Variants in PABPC4L observed in about 807,000 individuals in gnomAD.
The protein encoded by PABPC4L is polyadenylate-binding protein 4-like.
For missense variants in PABPC4L, 452 were observed against 451.4 expected, an observed-to-expected ratio of 1.00 and a Z score of -0.01; for synonymous variants, 169 against 164.1, an observed-to-expected ratio of 1.03 and a Z score of -0.23.
chr4:133,963,016 G>A, the PABPC4L span, among the ~76,000 whole-genome samples: 2 of 152,100 alleles, frequency 1.3e-5, no homozygotes, highest in Admixed American at 1.3e-4. Flanking sequence ...AATGTAAATG[G>A]CCTAAATGCT....
the PABPC4L span, among the ~76,000 whole-genome samples, chr4:134,148,846 A>G: frequency 9.9e-6 from 1 of 100,508 alleles, no homozygotes; most frequent in Non-Finnish European, 1.9e-5. Flanking sequence ...GCTCAAAATT[A>G]GTTGAATGAA....
the PABPC4L span, among the ~76,000 whole-genome samples, chr4:134,002,879 T>C: frequency 0.18 from 27,468 of 151,882 alleles, 3,144 homozygotes; most frequent in Middle Eastern, 0.26. Flanking sequence ...TTGTATCTTC[T>C]TCTGGGTATA....
At chr4:133,993,946 T>C in the PABPC4L span, among the ~76,000 whole-genome samples, 1 of 151,996 alleles carries the variant, frequency 6.6e-6, no homozygotes, top group Non-Finnish European at 1.5e-5. Flanking sequence ...CTGTAATAAA[T>C]AAACAGAGTA....
At chr4:134,072,506 C>G in the PABPC4L span, among the ~76,000 whole-genome samples, 1 of 152,116 alleles carries the variant, frequency 6.6e-6, no homozygotes, top group East Asian at 1.9e-4. Context: ...GGTGTGTTTT[C>G]TCTACATTTT....
At chr4:134,018,685 A>G in the PABPC4L span, among the ~76,000 whole-genome samples, 1 of 152,138 alleles carries the variant, frequency 6.6e-6, no homozygotes, top group East Asian at 1.9e-4. Flanking sequence ...CACATTGTTT[A>G]CGTTCATTGA....
the PABPC4L span, among the ~76,000 whole-genome samples, chr4:134,115,222 C>T: frequency 6.6e-6 from 1 of 151,870 alleles, no homozygotes; most frequent in Admixed American, 6.6e-5. Context: ...GTTTACTTCA[C>T]ACTTAGACAA....
the PABPC4L span, among the ~76,000 whole-genome samples, chr4:134,118,249 T>A: frequency 6.6e-6 from 1 of 151,944 alleles, no homozygotes; most frequent in Non-Finnish European, 1.5e-5. Context: ...CTGTAAAGGA[T>A]GTCTCAACTT....
At chr4:134,115,310 A>T in the PABPC4L span, among the ~76,000 whole-genome samples, 3 of 151,842 alleles carry the variant, frequency 2.0e-5, no homozygotes, top group African/African-American at 7.2e-5. Context: ...TTAAGCTTAT[A>T]GTCTACTATG....
chr4:134,189,000 T>G, the PABPC4L span, among the ~76,000 whole-genome samples: 1 of 152,030 alleles, frequency 6.6e-6, no homozygotes, highest in African/African-American at 2.4e-5. Flanking sequence ...CTTCACCGTG[T>G]TTTTCATTTT....
the PABPC4L span, among the ~76,000 whole-genome samples, chr4:134,003,260 T>G: frequency 6.6e-6 from 1 of 152,000 alleles, no homozygotes; most frequent in Admixed American, 6.6e-5. Context: ...GTTATGTATA[T>G]TCACATGTCC....
At chr4:134,062,131 C>A in the PABPC4L span, among the ~76,000 whole-genome samples, 1,928 of 151,738 alleles carry the variant, frequency 0.013, 42 homozygotes, top group African/African-American at 0.041. Context: ...GGAACTCTGC[C>A]TGTGTCAAAG....
chr4:134,119,349 A>T, the PABPC4L span, among the ~76,000 whole-genome samples: 1 of 151,726 alleles, frequency 6.6e-6, no homozygotes, highest in South Asian at 2.1e-4. Flanking sequence ...TTTTAAAGAG[A>T]AGTAGATATG....
chr4:134,030,951 T>C, the PABPC4L span, among the ~76,000 whole-genome samples: 1 of 152,102 alleles, frequency 6.6e-6, no homozygotes, highest in Admixed American at 6.6e-5. Context: ...TACCCATTTA[T>C]GATAATAGCT....
At chr4:134,126,977 A>G in the PABPC4L span, among the ~76,000 whole-genome samples, 1 of 152,052 alleles carries the variant, frequency 6.6e-6, no homozygotes, top group Non-Finnish European at 1.5e-5. Context: ...TGAGAGCCGT[A>G]TGGGCGCAGG....
At chr4:134,155,412 T>TCACACACACACACACA in the PABPC4L span, among the ~76,000 whole-genome samples, 149 of 147,094 alleles carry the variant, frequency 1.0e-3, 1 homozygote, top group African/African-American at 3.0e-3. Flanking sequence ...CTCTCCCAGT[T>TCACACACACACACACA]CACACACACA....
chr4:134,029,984 C>G, the PABPC4L span, among the ~76,000 whole-genome samples: 3 of 151,958 alleles, frequency 2.0e-5, no homozygotes, highest in African/African-American at 7.2e-5. Flanking sequence ...TCCCCTTTGG[C>G]TCAACTCTTT....
chr4:134,042,664 C>T, the PABPC4L span, among the ~76,000 whole-genome samples: 3 of 152,218 alleles, frequency 2.0e-5, no homozygotes, highest in South Asian at 4.1e-4. Context: ...ACTTGTGGTG[C>T]CTCTAATTGG....
At chr4:134,195,332 T>G (rs1213173926), downstream of PABPC4L, among the ~76,000 whole-genome samples, 1 of 151,682 alleles carries the variant, frequency 6.6e-6, no homozygotes, top group Non-Finnish European at 1.5e-5. Flanking sequence ...TAAATCAAAA[T>G]TGTGATGCCC....
chr4:134,129,523 C>A, the PABPC4L span, among the ~76,000 whole-genome samples: 1,932 of 152,008 alleles, frequency 0.013, 43 homozygotes, highest in African/African-American at 0.041. Context: ...CAAAACGACA[C>A]CCCCAAACCA....
Sources: allele counts gnomAD v4.1 joint callset (sites outside exome capture counted in the v4.1 genomes callset), GRCh38; gene constraint gnomAD v4.1.1; transcripts MANE v1.5; gene names NCBI Gene and HGNC (gene_info 2026-07-23, HGNC 2026-07-21).